Variants in JHY observed in about 807,000 individuals in gnomAD.
JHY encodes jhy protein homolog.
JHY carries 69 observed loss-of-function variants against 78.0 expected under a neutral mutation model. That is an observed-to-expected ratio of 0.88 (90% CI 0.73 to 1.08). The LOEUF (loss-of-function observed/expected upper bound fraction) is 1.08. Among genes scored for constraint, JHY ranks in the 50% least tolerant of loss-of-function variants. The probability of loss-of-function intolerance (pLI) is 0.00; values close to 1 mark genes in which losing one functional copy is unlikely to be tolerated. For synonymous variants in JHY, 368 were observed against 342.6 expected (o/e 1.07, Z -0.82); for missense variants, 944 against 927.8 (o/e 1.02, Z -0.23).
chr11:122,929,218 C>T lies in JHY; in HGVS notation c.978+4208C>T, dbSNP rs531471252. Among the ~76,000 whole-genome samples the T allele has an allele frequency of 8.4e-4, 127 of 151,264 alleles. 1 individual carries two copies. Among genetic ancestry groups the T allele is most frequent in the African/African-American group, 2.8e-3 (117 of 41,196 alleles). On this transcript the variant is annotated intron_variant, in intron 4 of 8. Transcript: ENST00000227349. ...CTGGGATTACAGGTGTGAGCCACCA[C>T]GCCTGGCCAAGGTTGTTTTTTGTTT... is the stretch of plus-strand genomic sequence containing the variant.
intron 6 of JHY, among the ~76,000 whole-genome samples, chr11:122,948,957 G>A (rs1158735369): frequency 6.6e-6 from 1 of 152,088 alleles, no homozygotes; most frequent in African/African-American, 2.4e-5. Flanking sequence ...GGTGGCAGGT[G>A]CCTGTAATCC....
chr11:122,899,959 G>C (rs755242849), intron 2 of JHY, among the ~76,000 whole-genome samples: 7 of 152,244 alleles, frequency 4.6e-5, no homozygotes, highest in Non-Finnish European at 7.3e-5. Context: ...TAAGGGTCAA[G>C]TGAAAGGCAG....
rs184260835 is a variant in JHY, at chr11:122,908,170, C to T, written c.864+3726C>T. On this transcript the variant is annotated intron_variant, in intron 3 of 8. Coordinates refer to ENST00000227349, the MANE Select transcript of JHY (RefSeq NM_024806.4). ...ATATTTAGCCAAGATTGAGAATCAC[C>T]GATCTAGAGCAGTGGTTCCTAAACA... Among the ~76,000 whole-genome samples, 326 of 152,148 alleles carry T rather than the reference C, an allele frequency of 2.1e-3. 1 individual carries two copies. The highest frequency in any genetic ancestry group is 7.4e-3 in the African/African-American group (306 of 41,512).
rs974062913 is a variant in JHY at position 122,960,035 on chromosome 11, A to G, written c.*590A>G. Among the ~76,000 whole-genome samples the G allele has an allele frequency of 2.6e-5, 4 of 152,194 alleles. No homozygotes were observed. Among genetic ancestry groups the G allele is most frequent in the African/African-American group, 9.7e-5 (4 of 41,446 alleles). On this transcript the variant is annotated 3_prime_UTR_variant, in exon 9 of 9. Coordinates refer to ENST00000227349, the MANE Select transcript of JHY (RefSeq NM_024806.4). The stretch of plus-strand genomic sequence containing the variant: ...AATAGCTTGAGGCCAGGAGTTTGAG[A>G]CCAGCCTGGGCAACATGGTGAAACC...
chr11:122,945,724 G>A (rs1236865760), intron 5 of JHY, among the ~76,000 whole-genome samples: 1 of 152,122 alleles, frequency 6.6e-6, no homozygotes, highest in African/African-American at 2.4e-5. Flanking sequence ...TCTTCATGTT[G>A]GATTTCCGTG....
intron 3 of JHY, among the ~76,000 whole-genome samples, chr11:122,919,352 C>CA (rs72233254): frequency 0.058 from 4,043 of 69,598 alleles, 157 homozygotes; most frequent in Admixed American, 0.1. Context: ...GACTCTGTCT[C>CA]AAAAAAAAAA....
chr11:122,926,274 G>A (rs1200497257), intron 4 of JHY, among the ~76,000 whole-genome samples: 1 of 141,490 alleles, frequency 7.1e-6, no homozygotes, highest in Non-Finnish European at 1.6e-5. Flanking sequence ...TTCTTGACCC[G>A]TGTATGTGGA....
chr11:122,948,769 G>C (rs985964374), intron 6 of JHY, among the ~76,000 whole-genome samples: 38 of 152,162 alleles, frequency 2.5e-4, no homozygotes, highest in African/African-American at 8.9e-4. Flanking sequence ...GTCTTAGAGG[G>C]TGATGAAGAG....
At position 122,961,241 on chromosome 11, in the gene JHY, C is replaced by G. The variant is rs1864308119; in HGVS notation, c.*1796C>G. ...ATTTGTTCCCTATACTGAGAGAACT[C>G]AATCTATTGGCCAATCAGATGTTTC... is the stretch of plus-strand genomic sequence containing the variant. On this transcript the variant is annotated 3_prime_UTR_variant, in exon 9 of 9. Transcript: ENST00000227349. Among the ~76,000 whole-genome samples the G allele has an allele frequency of 6.6e-6, 1 of 152,178 alleles. No individual in the cohort carries two copies. The highest frequency in any genetic ancestry group is 2.4e-5 in the African/African-American group (1 of 41,440).
chr11:122,883,760 T>C lies in JHY; in HGVS notation c.-90+788T>C, dbSNP rs553952749. Among the ~76,000 whole-genome samples, 13 of 152,358 alleles carry C rather than the reference T, an allele frequency of 8.5e-5. No homozygotes were observed. Among genetic ancestry groups the C allele is most frequent in the South Asian group, 4.1e-4 (2 of 4,826 alleles). The stretch of plus-strand genomic sequence containing the variant: ...GTTTGGCTTTGCTCTTTGCATACTT[T>C]AGCAAACTTCAGGAATCTGCTAACA... On this transcript the variant is annotated intron_variant, in intron 1 of 8. Coordinates refer to ENST00000227349, the MANE Select transcript of JHY (RefSeq NM_024806.4). The surrounding 1 kb of genome is among the most constrained non-coding windows in gnomAD (Gnocchi z 4.4).
At position 122,960,669 on chromosome 11, in the gene JHY, A is replaced by G; in HGVS notation, c.*1224A>G. The G allele has an allele frequency of 2.7e-6, 1 of 373,646 alleles. No homozygotes were observed. The highest frequency in any genetic ancestry group is 5.4e-6 in the Non-Finnish European group (1 of 185,126). 23.1% of individuals were successfully genotyped at this position (373,646 alleles called of 1,614,324 possible). On this transcript the variant is annotated 3_prime_UTR_variant, in exon 9 of 9. Coordinates refer to ENST00000227349, the MANE Select transcript of JHY (RefSeq NM_024806.4). ...AATAGTAGGGTTACTTGTCTATGTAATTTAAAAATATGGTGCCTCTATTGG... is the reference window on the plus strand; with the variant it reads ...AATAGTAGGGTTACTTGTCTATGTAGTTTAAAAATATGGTGCCTCTATTGG...
At chr11:122,940,655 T>C (rs755549644) in intron 5 of JHY, among the ~76,000 whole-genome samples, 15 of 152,184 alleles carry the variant, frequency 9.9e-5, no homozygotes, top group Non-Finnish European at 1.8e-4. Flanking sequence ...AGTGTAATTA[T>C]CCTAGTTTTC....
chr11:122,889,998 C>T (rs578181743), intron 2 of JHY, among the ~76,000 whole-genome samples: 3 of 151,994 alleles, frequency 2.0e-5, no homozygotes, highest in South Asian at 2.1e-4. Flanking sequence ...CTGTGTACCT[C>T]GGCCTCCCAA....
At chr11:122,948,090 G>A (rs1253300295) in intron 6 of JHY, among the ~76,000 whole-genome samples, 2 of 152,122 alleles carry the variant, frequency 1.3e-5, no homozygotes, top group South Asian at 2.1e-4. Context: ...GGGCCTCCGC[G>A]CTAAGACCAC....
At chr11:122,932,448 G>T (rs983458428) in intron 4 of JHY, among the ~76,000 whole-genome samples, 9 of 152,136 alleles carry the variant, frequency 5.9e-5, no homozygotes, top group Non-Finnish European at 1.3e-4. Context: ...GGTAACCCAG[G>T]ATTTCACATC....
At chr11:122,954,783 A>C (rs1036140954) in intron 6 of JHY, among the ~76,000 whole-genome samples, 1 of 150,768 alleles carries the variant, frequency 6.6e-6, no homozygotes, top group Non-Finnish European at 1.5e-5. Context: ...ACAGTCTCAT[A>C]ACCTGGCCTC....
intron 5 of JHY, among the ~76,000 whole-genome samples, chr11:122,940,585 C>G (rs1863854470): frequency 6.6e-6 from 1 of 152,094 alleles, no homozygotes. Flanking sequence ...TAGCGACTAC[C>G]AGATCTCCCC....
chr11:122,934,181 C>A (rs186399576), intron 4 of JHY, among the ~76,000 whole-genome samples: 2 of 151,986 alleles, frequency 1.3e-5, no homozygotes, highest in Non-Finnish European at 2.9e-5. Context: ...GTCTCAACCC[C>A]CAATTTGGAA....
intron 5 of JHY, among the ~76,000 whole-genome samples, chr11:122,936,049 A>T (rs1160840784): frequency 1.3e-5 from 2 of 152,240 alleles, no homozygotes; most frequent in Admixed American, 6.5e-5. Context: ...GATTTTAAAA[A>T]TTTATTCTTT....
Sources: allele counts gnomAD v4.1 joint callset (sites outside exome capture counted in the v4.1 genomes callset), GRCh38; gene constraint gnomAD v4.1.1; non-coding constraint Gnocchi (gnomAD v3.1); transcripts MANE v1.5; gene names NCBI Gene and HGNC (gene_info 2026-07-23, HGNC 2026-07-21).